The following CHCHD3 variants were observed in gnomAD, a reference collection of about 807,000 sequenced individuals.
CHCHD3 encodes MICOS complex subunit MIC19.
Under a neutral mutation model 38.2 loss-of-function variants are expected in CHCHD3, and 20 were observed. That is an observed-to-expected ratio of 0.52 (90% CI 0.37 to 0.76). The LOEUF (loss-of-function observed/expected upper bound fraction) is 0.76, where lower values mean the gene tolerates loss of function less well. CHCHD3 is among the 30% of genes least tolerant of loss of function. CHCHD3 has a pLI of 0.00. For missense variants in CHCHD3, 245 were observed against 279.2 expected (o/e 0.88, Z 0.87); for synonymous variants, 82 against 100.0 (o/e 0.82, Z 1.07).
At chr7:132,985,036 C>A (rs1214208066) in intron 3 of CHCHD3, among the ~76,000 whole-genome samples, 1 of 95,956 alleles carries the variant, frequency 1.0e-5, no homozygotes, top group Non-Finnish European at 2.2e-5. Context: ...GGGGGTCAGC[C>A]CCCCGCCCGG....
chr7:132,944,000 GAA>G (rs1227751753), intron 4 of CHCHD3, among the ~76,000 whole-genome samples: 1 of 152,186 alleles, frequency 6.6e-6, no homozygotes, highest in Non-Finnish European at 1.5e-5. Flanking sequence ...TTTCAAGAGA[GAA>G]AGTTTTCTCT....
intron 5 of CHCHD3, among the ~76,000 whole-genome samples, chr7:132,865,290 C>G (rs1469064564): frequency 6.6e-6 from 1 of 152,186 alleles, no homozygotes; most frequent in African/African-American, 2.4e-5. Flanking sequence ...GAGAAACCTT[C>G]AGATAACAAA....
intron 6 of CHCHD3, among the ~76,000 whole-genome samples, chr7:132,825,309 C>T (rs1367514236): frequency 3.3e-5 from 5 of 152,122 alleles, no homozygotes; most frequent in African/African-American, 9.7e-5. Context: ...GACAGGGTGT[C>T]GGAATTCACT....
At chr7:132,843,220 G>A (rs918219836) in intron 5 of CHCHD3, among the ~76,000 whole-genome samples, 7 of 151,936 alleles carry the variant, frequency 4.6e-5, no homozygotes, top group South Asian at 2.1e-4. Flanking sequence ...TGTTGTGAGC[G>A]CTTGGTTCAA....
At chr7:133,048,892 T>C (rs1357527531) in intron 2 of CHCHD3, among the ~76,000 whole-genome samples, 1 of 152,234 alleles carries the variant, frequency 6.6e-6, no homozygotes, top group African/African-American at 2.4e-5. Flanking sequence ...AATGGAATTT[T>C]TCTTAAAATA....
intron 6 of CHCHD3, among the ~76,000 whole-genome samples, chr7:132,826,175 C>G (rs548358048): frequency 7.9e-5 from 12 of 152,152 alleles, no homozygotes; most frequent in Non-Finnish European, 1.3e-4. Context: ...CTTGTGTAAT[C>G]TCAGATGCTC....
intron 6 of CHCHD3, among the ~76,000 whole-genome samples, chr7:132,821,747 C>CTTTA (rs1807380516): frequency 1.0e-5 from 1 of 100,288 alleles, no homozygotes; most frequent in African/African-American, 4.5e-5. Context: ...GCACTCAAAT[C>CTTTA]TTTTTTTTTT....
intron 6 of CHCHD3, among the ~76,000 whole-genome samples, chr7:132,805,839 G>A (rs1417272433): frequency 6.6e-6 from 1 of 152,164 alleles, no homozygotes; most frequent in African/African-American, 2.4e-5. Context: ...TAAAGAAGAG[G>A]AAGGACTGAG....
chr7:132,920,464 A>G (rs1192850657), intron 4 of CHCHD3, among the ~76,000 whole-genome samples: 4 of 152,172 alleles, frequency 2.6e-5, no homozygotes, highest in Non-Finnish European at 4.4e-5. Flanking sequence ...CTTATCTGAC[A>G]TGCAAGTCCC....
At chr7:133,013,404 A>G (rs1812939133) in intron 3 of CHCHD3, among the ~76,000 whole-genome samples, 2 of 152,214 alleles carry the variant, frequency 1.3e-5, no homozygotes, top group African/African-American at 4.8e-5. Flanking sequence ...CTTCATCTAC[A>G]AAGTGAGGAG....
intron 6 of CHCHD3, among the ~76,000 whole-genome samples, chr7:132,819,846 G>T (rs554863180): frequency 1.3e-5 from 2 of 152,362 alleles, no homozygotes; most frequent in Non-Finnish European, 2.9e-5. Flanking sequence ...TGCTGCGGGG[G>T]CAGCGTGAGC....
chr7:132,993,525 C>T (rs1039221312), intron 3 of CHCHD3, among the ~76,000 whole-genome samples: 2 of 152,254 alleles, frequency 1.3e-5, no homozygotes, highest in African/African-American at 4.8e-5. Flanking sequence ...TCTCCGCCTA[C>T]TGTGCCCCAT....
At position 133,035,669 on chromosome 7, in the gene CHCHD3, C is replaced by A. The variant is rs1813653242; in HGVS notation, c.170-11042G>T. 8 of 1,612,420 alleles carry A rather than the reference C, an allele frequency of 5.0e-6. No homozygotes were observed. Among genetic ancestry groups the A allele is most frequent in the African/African-American group, 1.3e-5 (1 of 74,930 alleles). On this transcript the variant is annotated intron_variant, in intron 2 of 7. Coordinates refer to ENST00000262570, the MANE Select transcript of CHCHD3 (RefSeq NM_017812.4). The surrounding 1 kb of genome is among the most constrained non-coding windows in gnomAD (Gnocchi z 4.7). The stretch of plus-strand genomic sequence containing the variant: ...CTGCTGCCTCTGGAGTACTTCCCCG[C>A]AGCTCCTCATTGCTCACATAGTAGG...
chr7:132,786,559 T>C (rs1806323418), intron 7 of CHCHD3, among the ~76,000 whole-genome samples: 1 of 152,120 alleles, frequency 6.6e-6, no homozygotes, highest in Non-Finnish European at 1.5e-5. Context: ...TAGAGGTCTT[T>C]AAGAAGAAAA....
intron 5 of CHCHD3, among the ~76,000 whole-genome samples, chr7:132,875,813 C>T (rs1243559831): frequency 6.6e-6 from 1 of 152,214 alleles, no homozygotes. Flanking sequence ...TCTTAGTCTA[C>T]ACGGACAAAT....
chr7:133,067,339 C>T (rs981170308), intron 2 of CHCHD3, among the ~76,000 whole-genome samples: 1 of 152,172 alleles, frequency 6.6e-6, no homozygotes, highest in African/African-American at 2.4e-5. Context: ...ATCCATATAT[C>T]ATCATTCTTT....
chr7:132,917,292 T>TA (rs1274251036), intron 4 of CHCHD3, among the ~76,000 whole-genome samples: 1 of 142,754 alleles, frequency 7.0e-6, no homozygotes, highest in Non-Finnish European at 1.6e-5. Flanking sequence ...ATTGAATTCT[T>TA]ACAAAAAAAA....
intron 4 of CHCHD3, among the ~76,000 whole-genome samples, chr7:132,974,684 G>A (rs912791748): frequency 6.6e-6 from 1 of 152,100 alleles, no homozygotes; most frequent in African/African-American, 2.4e-5. Flanking sequence ...GACCAGCCTG[G>A]CCAAGATAGT....
chr7:133,065,993 A>T (rs533598730), intron 2 of CHCHD3, among the ~76,000 whole-genome samples: 1 of 152,302 alleles, frequency 6.6e-6, no homozygotes, highest in East Asian at 1.9e-4. Context: ...ATAGAAAATA[A>T]AAAGCACTGG....
Sources: allele counts gnomAD v4.1 joint callset (sites outside exome capture counted in the v4.1 genomes callset), GRCh38; gene constraint gnomAD v4.1.1; non-coding constraint Gnocchi (gnomAD v3.1); transcripts MANE v1.5; gene names NCBI Gene and HGNC (gene_info 2026-07-23, HGNC 2026-07-21).